MSL2: variants seen among roughly 807,000 people sequenced by gnomAD.
The protein encoded by MSL2 is E3 ubiquitin-protein ligase MSL2.
MSL2 carries 2 observed loss-of-function variants against 35.8 expected under a neutral mutation model. The ratio of observed to expected loss-of-function variants is 0.06; its 90% CI spans 0.02 to 0.18. The LOEUF (loss-of-function observed/expected upper bound fraction) is 0.18. MSL2 is among the 10% of genes least tolerant of loss of function. The pLI is 1.00. For missense variants in MSL2, 523 were observed against 706.7 expected (o/e 0.74, Z 2.95); for synonymous variants, 296 against 255.7 (o/e 1.16, Z -1.50).
chr3:136,181,833 T>G (rs576052077), intron 1 of MSL2, among the ~76,000 whole-genome samples: 123 of 151,996 alleles, frequency 8.1e-4, no homozygotes, highest in Admixed American at 1.4e-3. Flanking sequence ...GCAGAAGAAC[T>G]GCTGGAACCC....
At chr3:136,176,215 A>T (rs569308479) in intron 1 of MSL2, among the ~76,000 whole-genome samples, 3 of 152,298 alleles carry the variant, frequency 2.0e-5, no homozygotes, top group Admixed American at 2.0e-4. Context: ...AACTTCTTTT[A>T]AAACTTTTCA....
rs543322533 is a variant in MSL2, at chr3:136,170,957, C to T, written c.143-18219G>A. On this transcript the variant is annotated intron_variant, in intron 1 of 1. Coordinates refer to ENST00000309993, the MANE Select transcript of MSL2 (RefSeq NM_018133.4). Reference sequence around the variant, plus strand: ...GGAGGGAAAAGAGGCCAATTATATGCCAAGATTTGTTCAATATGTTTGAGA... The same window carrying T: ...GGAGGGAAAAGAGGCCAATTATATGTCAAGATTTGTTCAATATGTTTGAGA... Among the ~76,000 whole-genome samples the T allele has an allele frequency of 3.3e-5, 5 of 152,234 alleles. No homozygotes were observed. In the East Asian group the frequency reaches 9.6e-4, roughly 29 times the overall value.
rs549839450 is a variant in MSL2, at chr3:136,166,133, A to T, written c.143-13395T>A. ...GCCAGGCACGATGGCTCACACCTGTAATCCCAGTACTTTGGGAGGCCGAGG... is the reference window on the plus strand; with the variant it reads ...GCCAGGCACGATGGCTCACACCTGTTATCCCAGTACTTTGGGAGGCCGAGG... On this transcript the variant is annotated intron_variant, in intron 1 of 1. Transcript: ENST00000309993. Among the ~76,000 whole-genome samples, 3 of 151,804 alleles carry T rather than the reference A, an allele frequency of 2.0e-5. No homozygotes were observed. In the East Asian group the frequency reaches 5.8e-4, roughly 29 times the overall value.
At chr3:136,178,067 G>C (rs1002337469) in intron 1 of MSL2, among the ~76,000 whole-genome samples, 4 of 152,114 alleles carry the variant, frequency 2.6e-5, no homozygotes, top group African/African-American at 4.8e-5. Context: ...ATTAAAAATG[G>C]ATGATGTATA....
intron 1 of MSL2, among the ~76,000 whole-genome samples, chr3:136,176,190 A>G (rs1021490651): frequency 2.0e-4 from 30 of 152,204 alleles, no homozygotes; most frequent in Non-Finnish European, 3.4e-4. Context: ...GTGTGCAGGC[A>G]TATTTTAAAG....
chr3:136,191,103 T>C (rs543722642), intron 1 of MSL2, among the ~76,000 whole-genome samples: 1 of 152,300 alleles, frequency 6.6e-6, no homozygotes, highest in African/African-American at 2.4e-5. Flanking sequence ...TTGTCTACTG[T>C]GCAAAGGTGG....
chr3:136,181,549 G>A (rs933378844), intron 1 of MSL2, among the ~76,000 whole-genome samples: 2 of 152,152 alleles, frequency 1.3e-5, no homozygotes, highest in Non-Finnish European at 2.9e-5. Context: ...TTACTAAGGT[G>A]AAGAAATTGT....
At position 136,173,832 on chromosome 3, in the gene MSL2, C is replaced by T. The variant is rs145948143; in HGVS notation, c.143-21094G>A. The stretch of plus-strand genomic sequence containing the variant: ...CAGAATCTAGCCCCTACCTACCTGT[C>T]TTCCACCCCAAATCTCATTTCACTA... On this transcript the variant is annotated intron_variant, in intron 1 of 1. Coordinates refer to ENST00000309993, the MANE Select transcript of MSL2 (RefSeq NM_018133.4). Among the ~76,000 whole-genome samples the T allele has an allele frequency of 6.8e-4, 104 of 152,306 alleles. No individual in the cohort carries two copies. The Middle Eastern group carries it at 0.01, about 15-fold the overall frequency.
intron 1 of MSL2, among the ~76,000 whole-genome samples, chr3:136,165,475 C>T (rs1432455666): frequency 6.6e-6 from 1 of 152,138 alleles, no homozygotes. Context: ...AAGGCTAAGA[C>T]ATAGTTTTAG....
chr3:136,182,099 A>G (rs998125350), intron 1 of MSL2, among the ~76,000 whole-genome samples: 4 of 152,194 alleles, frequency 2.6e-5, no homozygotes, highest in Non-Finnish European at 5.9e-5. Flanking sequence ...TTTAAATGTT[A>G]TAACACTGTC....
At chr3:136,181,079 G>A (rs1351432542) in intron 1 of MSL2, among the ~76,000 whole-genome samples, 2 of 151,918 alleles carry the variant, frequency 1.3e-5, no homozygotes, top group Non-Finnish European at 2.9e-5. Flanking sequence ...CTTGAACACA[G>A]GAGGTGGAGG....
At chr3:136,166,869 C>T (rs951385740) in intron 1 of MSL2, among the ~76,000 whole-genome samples, 9 of 152,294 alleles carry the variant, frequency 5.9e-5, no homozygotes, top group African/African-American at 1.9e-4. Flanking sequence ...TCACTCACTT[C>T]AAAATACTAC....
At chr3:136,189,580 C>T (rs1451192940) in intron 1 of MSL2, among the ~76,000 whole-genome samples, 3 of 150,792 alleles carry the variant, frequency 2.0e-5, no homozygotes, top group Non-Finnish European at 4.4e-5. Flanking sequence ...AAAAATTAGC[C>T]GGGCGAGGTG....
intron 1 of MSL2, among the ~76,000 whole-genome samples, chr3:136,174,490 G>C (rs1232065499): frequency 1.3e-5 from 2 of 152,154 alleles, no homozygotes; most frequent in African/African-American, 4.8e-5. Context: ...AGAATAATTA[G>C]CCACAAGATA....
chr3:136,175,788 T>C (rs1940156172), intron 1 of MSL2, among the ~76,000 whole-genome samples: 1 of 152,160 alleles, frequency 6.6e-6, no homozygotes, highest in African/African-American at 2.4e-5. Flanking sequence ...AAATGAAGAG[T>C]GAATTGTTTA....
rs375444164 is a variant in MSL2 at position 136,189,721 on chromosome 3, CA to C, written c.142+5250del. 7.0e-3 allele frequency among the ~76,000 whole-genome samples: 354 copies of C among 50,232 alleles called. 1 individual carries two copies. The highest frequency in any genetic ancestry group is 8.7e-3 in the Non-Finnish European group (212 of 24,486). 33.0% of individuals were successfully genotyped at this position (50,232 alleles called of 152,430 possible). ...CCTGGGCGACAGCGAGACGCCGTCT[CA>C]AAAAAAAAAAAAAAAAAGAATTCTT... is the stretch of plus-strand genomic sequence containing the variant. On this transcript the variant is annotated intron_variant, in intron 1 of 1. Transcript: ENST00000309993.
intron 1 of MSL2, among the ~76,000 whole-genome samples, chr3:136,157,927 A>C (rs1052092816): frequency 6.6e-6 from 1 of 152,222 alleles, no homozygotes; most frequent in East Asian, 1.9e-4. Context: ...AAAAGGAATA[A>C]CACCCAAACA....
chr3:136,167,852 A>G (rs774412416), intron 1 of MSL2, among the ~76,000 whole-genome samples: 2 of 152,214 alleles, frequency 1.3e-5, no homozygotes, highest in Non-Finnish European at 2.9e-5. Context: ...AACTTTTCCA[A>G]CGTAATGAAA....
At chr3:136,184,552 G>C (rs946169118) in intron 1 of MSL2, among the ~76,000 whole-genome samples, 6 of 151,552 alleles carry the variant, frequency 4.0e-5, no homozygotes, top group Non-Finnish European at 5.9e-5. Flanking sequence ...GCAGCGAGCC[G>C]AGATCCCACC....
Sources: gnomAD v4.1 joint callset for allele counts (sites outside exome capture counted in the v4.1 genomes callset) on GRCh38, gnomAD v4.1.1 for gene constraint, MANE v1.5 for transcripts, NCBI Gene and HGNC (gene_info 2026-07-23, HGNC 2026-07-21) for gene names.